Variants in FAM151B observed in about 807,000 individuals in gnomAD.
FAM151B encodes the protein protein FAM151B.
A neutral mutation model predicts 31.2 loss-of-function variants in FAM151B; 24 were observed. The observed-to-expected ratio is 0.77, with a 90% CI of 0.56 to 1.08. The LOEUF (loss-of-function observed/expected upper bound fraction) is 1.08. Among genes scored for constraint, FAM151B ranks in the 50% least tolerant of loss-of-function variants. The pLI is 0.00. For synonymous variants in FAM151B, 105 were observed against 111.4 expected (o/e 0.94, Z 0.36); for missense variants, 293 against 328.6 (o/e 0.89, Z 0.84).
chr5:80,522,940 A>G (rs908695658), intron 5 of FAM151B, among the ~76,000 whole-genome samples: 1 of 152,126 alleles, frequency 6.6e-6, no homozygotes, highest in African/African-American at 2.4e-5. Context: ...TCCAGAATCT[A>G]TCATGGAACT....
intron 5 of FAM151B, among the ~76,000 whole-genome samples, chr5:80,529,353 C>T (rs1745118830): frequency 6.6e-6 from 1 of 152,112 alleles, no homozygotes; most frequent in Non-Finnish European, 1.5e-5. Context: ...CAAACCCATT[C>T]AAAAGCTAGC....
intron 5 of FAM151B, among the ~76,000 whole-genome samples, chr5:80,524,383 C>A (rs1031438056): frequency 2.0e-5 from 3 of 152,004 alleles, no homozygotes; most frequent in African/African-American, 7.2e-5. Flanking sequence ...TTTTCAAATA[C>A]AACAATATTA....
At chr5:80,528,857 G>A (rs954207924) in intron 5 of FAM151B, among the ~76,000 whole-genome samples, 1 of 152,080 alleles carries the variant, frequency 6.6e-6, no homozygotes, top group African/African-American at 2.4e-5. Context: ...GGATATCCAG[G>A]AATTGAACTC....
chr5:80,541,952 A>C lies in FAM151B; in HGVS notation c.*120A>C. 1 of 1,080,666 alleles carries C rather than the reference A, an allele frequency of 9.3e-7. No homozygotes were observed. The highest frequency in any genetic ancestry group is 1.3e-6 in the Non-Finnish European group (1 of 761,774). The allele number at this position is 1,080,666 out of a possible 1,614,324, so 66.9% of individuals were successfully genotyped here. ...GACGTTCCAAGTCATCTAATCAAGAAACGTTTATTGTATGCTTACTCTGTG... is the reference window on the plus strand; with the variant it reads ...GACGTTCCAAGTCATCTAATCAAGACACGTTTATTGTATGCTTACTCTGTG... On this transcript the variant is annotated 3_prime_UTR_variant, in exon 6 of 6. Transcript: ENST00000282226.
intron 1 of FAM151B, 110 bp from the exon 2 acceptor site, chr5:80,501,682 A>C: frequency 1.5e-6 from 1 of 680,662 alleles, no homozygotes; most frequent in Non-Finnish European, 2.5e-6. Flanking sequence ...CTATATATAT[A>C]TATCACATAA....
intron 5 of FAM151B, among the ~76,000 whole-genome samples, chr5:80,538,503 CTT>C (rs1289493242): frequency 6.6e-5 from 7 of 106,472 alleles, no homozygotes; most frequent in African/African-American, 1.6e-4. Context: ...TCCTTCCTTT[CTT>C]TTCTTTCTTT....
intron 2 of FAM151B, chr5:80,510,786 T>C (rs1744148485): frequency 6.6e-6 from 1 of 152,244 alleles, no homozygotes; most frequent in Non-Finnish European, 1.5e-5. Context: ...AACTTCAGTT[T>C]AAAATGCCTT....
At chr5:80,498,008 T>G (rs1743612112) in intron 1 of FAM151B, among the ~76,000 whole-genome samples, 1 of 152,224 alleles carries the variant, frequency 6.6e-6, no homozygotes, top group Admixed American at 6.5e-5. Flanking sequence ...ATTTAGGTTT[T>G]TCTGGTAATG....
intron 5 of FAM151B, among the ~76,000 whole-genome samples, chr5:80,534,085 A>G (rs937613705): frequency 6.6e-5 from 10 of 152,184 alleles, no homozygotes; most frequent in Non-Finnish European, 1.5e-5. Flanking sequence ...GAACAGACCA[A>G]TAACAAGTAA....
At position 80,488,149 on chromosome 5, in the gene FAM151B, G is replaced by GT. The variant is rs1411008775; in HGVS notation, c.25+2dup. On this transcript the variant is annotated splice_donor_variant, in intron 1 of 5. Coordinates refer to ENST00000282226, the MANE Select transcript of FAM151B (RefSeq NM_205548.3). LOFTEE classifies it high-confidence loss of function. The stretch of plus-strand genomic sequence containing the variant: ...ATGGCAGCATCCGCTGGAGGCCCAG[G>GT]TAAGCGCCGAGCGCGCGGCCTCTGC... The GT allele has an allele frequency of 6.5e-7, 1 of 1,542,122 alleles. No individual in the cohort carries two copies. Among genetic ancestry groups the GT allele is most frequent in the Non-Finnish European group, 8.7e-7 (1 of 1,146,374 alleles).
intron 4 of FAM151B, among the ~76,000 whole-genome samples, chr5:80,521,464 A>G (rs987275654): frequency 6.6e-6 from 1 of 152,108 alleles, no homozygotes; most frequent in Non-Finnish European, 1.5e-5. Flanking sequence ...TGTAAAATAT[A>G]TACATATATA....
intron 5 of FAM151B, among the ~76,000 whole-genome samples, chr5:80,532,569 C>T (rs955723890): frequency 2.6e-5 from 4 of 152,304 alleles, no homozygotes; most frequent in African/African-American, 7.2e-5. Context: ...TTCAACACCC[C>T]ACTTTCAACA....
At chr5:80,526,711 C>A (rs1382091738) in intron 5 of FAM151B, among the ~76,000 whole-genome samples, 1 of 152,086 alleles carries the variant, frequency 6.6e-6, no homozygotes, top group Non-Finnish European at 1.5e-5. Context: ...CTCTTTTCAA[C>A]TTTTATATCT....
chr5:80,532,776 A>G (rs899303070), intron 5 of FAM151B, among the ~76,000 whole-genome samples: 2 of 152,242 alleles, frequency 1.3e-5, no homozygotes, highest in Non-Finnish European at 2.9e-5. Context: ...ACAACATTCA[A>G]TAAATTGAAA....
At chr5:80,501,279 C>T (rs1214857929) in intron 1 of FAM151B, 2 of 573,878 alleles carry the variant, frequency 3.5e-6, no homozygotes, top group Non-Finnish European at 6.1e-6. Flanking sequence ...CTCAGCCTCC[C>T]AAAGTGCTGG....
intron 1 of FAM151B, among the ~76,000 whole-genome samples, chr5:80,493,323 A>G (rs893459245): frequency 2.6e-5 from 4 of 152,212 alleles, no homozygotes; most frequent in Non-Finnish European, 4.4e-5. Flanking sequence ...TAAGCTGAGA[A>G]TGTACGTCAC....
intron 5 of FAM151B, among the ~76,000 whole-genome samples, chr5:80,531,500 T>C (rs1561378911): frequency 6.6e-6 from 1 of 152,188 alleles, no homozygotes; most frequent in Non-Finnish European, 1.5e-5. Flanking sequence ...GACAAAGGGC[T>C]AATACCCAGA....
At chr5:80,526,172 C>T (rs1017993763) in intron 5 of FAM151B, among the ~76,000 whole-genome samples, 17 of 151,900 alleles carry the variant, frequency 1.1e-4, no homozygotes, top group Non-Finnish European at 1.9e-4. Flanking sequence ...CCTGTGAATG[C>T]TCTATGTCCA....
intron 5 of FAM151B, among the ~76,000 whole-genome samples, chr5:80,538,376 CTT>C (rs1190773990): frequency 3.3e-5 from 1 of 30,754 alleles, no homozygotes; most frequent in African/African-American, 1.6e-4. Flanking sequence ...CTTTCTTTTT[CTT>C]TCTTTCTTTC....
Sources: allele counts gnomAD v4.1 joint callset (sites outside exome capture counted in the v4.1 genomes callset), GRCh38; gene constraint gnomAD v4.1.1; transcripts MANE v1.5; gene names NCBI Gene and HGNC (gene_info 2026-07-23, HGNC 2026-07-21).